The following SPATA7 variants were observed in gnomAD, a reference collection of about 807,000 sequenced individuals.
The protein encoded by SPATA7 is spermatogenesis-associated protein 7.
In SPATA7, 43 loss-of-function variants were observed where a neutral mutation model predicts 51.8. That is an observed-to-expected ratio of 0.83 (90% CI 0.65 to 1.07). SPATA7 has a LOEUF of 1.07. SPATA7 is among the 50% of genes least tolerant of loss of function. SPATA7 has a pLI of 0.00. For synonymous variants in SPATA7, 230 were observed against 252.8 expected (o/e 0.91, Z 0.86); for missense variants, 683 against 701.3 (o/e 0.97, Z 0.30).
chr14:88,411,671 C>A (rs2076345193), intron 4 of SPATA7, among the ~76,000 whole-genome samples: 1 of 152,088 alleles, frequency 6.6e-6, no homozygotes, highest in African/African-American at 2.4e-5. Context: ...AACACCACAC[C>A]CTGCTTCAGC....
chr14:88,447,609 G>C (rs2077223383), intron 3 of SPATA7, among the ~76,000 whole-genome samples: 1 of 151,944 alleles, frequency 6.6e-6, no homozygotes, highest in South Asian at 2.1e-4. Context: ...GCATGATTTT[G>C]CAGCGGCTGG....
At chr14:88,468,292 A>G (rs1595333007) in intron 4 of SPATA7, 2 of 1,574,472 alleles carry the variant, frequency 1.3e-6, no homozygotes, top group Non-Finnish European at 1.7e-6. Flanking sequence ...GGTAATGAAG[A>G]TAATGTGTTC....
rs979086847 is a variant in SPATA7 at position 88,426,605 on chromosome 14, C to G, written c.746C>G (p.Ala249Gly). The change falls in exon 6 of 12, where the codon GCA becomes GGA. Residue 249 changes from alanine to glycine, a missense_variant. Transcript: ENST00000393545. ...PFTPRTLKTE[A>G]KSFLSQYRYY... is the part of the protein sequence containing the mutation. ...ACTCCTCGCACTTTAAAAACAGAAG[C>G]AAAATCTTTCCTGTCACAGTATCGC... 6 of 1,614,098 alleles carry G rather than the reference C, an allele frequency of 3.7e-6. No homozygotes were observed. Among genetic ancestry groups the G allele is most frequent in the Non-Finnish European group, 5.1e-6 (6 of 1,180,006 alleles).
intron 4 of SPATA7, chr14:88,406,741 T>G (rs918554898): frequency 2.0e-5 from 3 of 152,152 alleles, no homozygotes; most frequent in Non-Finnish European, 4.4e-5. Flanking sequence ...CATTAGGTAT[T>G]TCTCCTAATA....
intron 4 of SPATA7, chr14:88,468,967 A>G: frequency 6.2e-7 from 1 of 1,614,212 alleles, no homozygotes; most frequent in Non-Finnish European, 8.5e-7. Context: ...TCACCACGCC[A>G]GTCCTTCCTA....
rs1401428612 is a variant in SPATA7, at chr14:88,426,491, A to G, written c.632A>G (p.His211Arg). The change falls in exon 6 of 12, where the codon CAC becomes CGC. Residue 211 changes from histidine to arginine, a missense_variant. Coordinates refer to ENST00000393545, the MANE Select transcript of SPATA7 (RefSeq NM_018418.5). ...RRPRSTFPNS[H>R]RFQLVISKAP... ...CCCAGAAGCACATTCCCAAATTCCC[A>G]CCGGTTTCAGTTAGTCATTTCGAAA... is the stretch of plus-strand genomic sequence containing the variant. The G allele has an allele frequency of 6.2e-7, 1 of 1,614,098 alleles. No individual in the cohort carries two copies.
rs954892592 is a variant in SPATA7, at chr14:88,467,979, C to T, written c.255-1868C>T. ...ACCCCTCTTCAGCCTGTGCTTCGCACGTTTCCTTCAGCGTGCCGCCATTCA... is the reference window on the plus strand; with the variant it reads ...ACCCCTCTTCAGCCTGTGCTTCGCATGTTTCCTTCAGCGTGCCGCCATTCA... On this transcript the variant is annotated intron_variant, in intron 4 of 4. Transcript: ENST00000556406. The T allele has an allele frequency of 1.1e-4, 106 of 957,410 alleles. 1 individual carries two copies. In the Admixed American group the frequency reaches 1.1e-3, roughly 10 times the overall value. The allele number at this position is 957,410 out of a possible 1,614,324, so 59.3% of individuals were successfully genotyped here.
intron 4 of SPATA7, among the ~76,000 whole-genome samples, chr14:88,410,300 T>C (rs2076305383): frequency 6.6e-6 from 1 of 152,216 alleles, no homozygotes; most frequent in Non-Finnish European, 1.5e-5. Context: ...GTATTTAGGA[T>C]AGTTAGCTCT....
chr14:88,449,378 T>C (rs2077235494), intron 3 of SPATA7, among the ~76,000 whole-genome samples: 1 of 152,192 alleles, frequency 6.6e-6, no homozygotes, highest in African/African-American at 2.4e-5. Context: ...TTATTTGGCA[T>C]GGTTTTGAGG....
chr14:88,390,833 A>G (rs1331415821), intron 1 of SPATA7, among the ~76,000 whole-genome samples: 3 of 152,174 alleles, frequency 2.0e-5, no homozygotes, highest in Admixed American at 6.5e-5. Flanking sequence ...GGTAGAAGCT[A>G]TGCTCATTTC....
intron 5 of SPATA7, among the ~76,000 whole-genome samples, chr14:88,425,405 C>A (rs1021394278): frequency 1.3e-5 from 2 of 152,118 alleles, no homozygotes; most frequent in African/African-American, 4.8e-5. Context: ...TTTTTAACCT[C>A]AATTTCTGTA....
chr14:88,414,908 G>T (rs2076434625), intron 4 of SPATA7, among the ~76,000 whole-genome samples: 1 of 151,716 alleles, frequency 6.6e-6, no homozygotes, highest in South Asian at 2.1e-4. Flanking sequence ...TTCCACCGTG[G>T]TCCAAAAATA....
At chr14:88,442,790 G>T (rs748888195), downstream of SPATA7, among the ~76,000 whole-genome samples, 5 of 152,026 alleles carry the variant, frequency 3.3e-5, no homozygotes, top group African/African-American at 4.8e-5. Flanking sequence ...GTATTAGGGT[G>T]ATCATGGCTT....
At chr14:88,445,103 C>A (rs1354825964) in intron 3 of SPATA7, among the ~76,000 whole-genome samples, 13 of 152,076 alleles carry the variant, frequency 8.5e-5, no homozygotes, top group African/African-American at 1.2e-4. Context: ...AATATTGATT[C>A]TTCCTACCCA....
chr14:88,458,310 T>C (rs1239902624), downstream of SPATA7, among the ~76,000 whole-genome samples: 1 of 152,218 alleles, frequency 6.6e-6, no homozygotes, highest in African/African-American at 2.4e-5. Flanking sequence ...TGGTACCAGC[T>C]TCTTGTACCT....
At chr14:88,441,248 C>T (rs976247766), downstream of SPATA7, among the ~76,000 whole-genome samples, 11 of 151,844 alleles carry the variant, frequency 7.2e-5, no homozygotes, top group South Asian at 1.0e-3. Context: ...ACTTGTTGAT[C>T]GATGGGCATA....
intron 3 of SPATA7, among the ~76,000 whole-genome samples, chr14:88,447,542 T>G (rs2077222682): frequency 6.6e-6 from 1 of 152,172 alleles, no homozygotes; most frequent in Admixed American, 6.5e-5. Flanking sequence ...GTTAGCTGGT[T>G]ATTTTGCTCA....
chr14:88,438,582 A>G, downstream of SPATA7: 1 of 701,766 alleles, frequency 1.4e-6, no homozygotes, highest in Admixed American at 2.2e-5. Context: ...TATTTATCCC[A>G]CAGTTTTGTG....
chr14:88,389,164 G>A (rs1477676192), intron 1 of SPATA7, among the ~76,000 whole-genome samples: 1 of 150,998 alleles, frequency 6.6e-6, no homozygotes, highest in Admixed American at 6.6e-5. Flanking sequence ...AACTATGAGA[G>A]GGTAGATGAA....
Sources: gnomAD v4.1 joint callset for allele counts (sites outside exome capture counted in the v4.1 genomes callset) on GRCh38, gnomAD v4.1.1 for gene constraint, MANE v1.5 for transcripts, NCBI Gene and HGNC (gene_info 2026-07-23, HGNC 2026-07-21) for gene names.